The following CIDEA variants were observed in gnomAD, a reference collection of about 807,000 sequenced individuals.
The protein encoded by CIDEA is lipid transferase CIDEA.
A neutral mutation model predicts 18.2 loss-of-function variants in CIDEA; 10 were observed. The observed-to-expected ratio is 0.55, with a 90% CI of 0.34 to 0.93. CIDEA has a LOEUF of 0.93. Among genes scored for constraint, CIDEA ranks in the 40% least tolerant of loss-of-function variants. CIDEA has a pLI of 0.02. For synonymous variants in CIDEA, 128 were observed against 124.8 expected (o/e 1.03, Z -0.17); for missense variants, 309 against 293.1 (o/e 1.05, Z -0.40).
intron 1 of CIDEA, among the ~76,000 whole-genome samples, chr18:12,257,247 C>G (rs1457393456): frequency 2.6e-5 from 4 of 152,172 alleles, no homozygotes; most frequent in African/African-American, 9.7e-5. Context: ...GCTTCTTCCT[C>G]CCACGGTGGC....
intron 1 of CIDEA, among the ~76,000 whole-genome samples, chr18:12,261,754 AT>A (rs975168942): frequency 6.6e-6 from 1 of 151,184 alleles, no homozygotes; most frequent in African/African-American, 2.4e-5. Flanking sequence ...TTTTATTTTT[AT>A]TTTTTTGTAA....
chr18:12,254,374 G>A lies in CIDEA; in HGVS notation c.-10G>A. On this transcript the variant is annotated 5_prime_UTR_variant, in exon 1 of 5. Transcript: ENST00000320477. ...AGACAGACCTCCAGGCCCGCTAGGG[G>A]ATCCGCGCCATGGAGGCCGCCCGGG... 3 of 1,532,422 alleles carry A rather than the reference G, an allele frequency of 2.0e-6. No individual in the cohort carries two copies. The highest frequency in any genetic ancestry group is 2.6e-6 in the Non-Finnish European group (3 of 1,140,606). 94.9% of individuals were successfully genotyped at this position (1,532,422 alleles called of 1,614,324 possible). A position where few individuals can be genotyped will look rare whatever the true frequency, so the allele number is the denominator to read the frequency against.
In CIDEA at chr18:12,258,959, G is replaced by C. The variant is rs143751154; in HGVS notation, c.39-3866G>C. Among the ~76,000 whole-genome samples, 782 of 152,324 alleles carry C rather than the reference G, an allele frequency of 5.1e-3. 10 individuals carry two copies. The highest frequency in any genetic ancestry group is 0.018 in the African/African-American group (745 of 41,568). ...CCGTCCTCACCGCCCTCTCCCCCCG[G>C]GTCACCAGGAGTGAGAGTGTGCCCG... On this transcript the variant is annotated intron_variant, in intron 1 of 4. Transcript: ENST00000320477.
At chr18:12,260,357 T>C (rs1293742632) in intron 1 of CIDEA, among the ~76,000 whole-genome samples, 2 of 134,736 alleles carry the variant, frequency 1.5e-5, no homozygotes, top group African/African-American at 5.0e-5. Context: ...TTTTTTCAAT[T>C]TATTTTTTGT....
rs148636842 is a variant in CIDEA, at chr18:12,262,889, C to T, written c.103C>T (p.Arg35Cys). ...GTTCACCCCGCTCATGCATCCAGCT[C>T]GCCCTTTCCGGGTCTCCAACCATGA... ...VLFTPLMHPA[R>C]PFRVSNHDRS... Residue 35 changes from arginine to cysteine, a missense_variant, in exon 2 of 5, where the codon CGC (arginine) becomes TGC (cysteine). Transcript: ENST00000320477. 36 of 1,614,082 alleles carry T rather than the reference C, an allele frequency of 2.2e-5. No homozygotes were observed. Among genetic ancestry groups the T allele is most frequent in the East Asian group, 6.7e-5 (3 of 44,898 alleles).
intron 1 of CIDEA, among the ~76,000 whole-genome samples, chr18:12,258,771 G>C (rs113561270): frequency 1.1e-4 from 17 of 152,368 alleles, no homozygotes; most frequent in African/African-American, 4.1e-4. Flanking sequence ...ATCCCAAGGA[G>C]TGGTAAGGCA....
At chr18:12,261,464 T>C (rs150693688) in intron 1 of CIDEA, among the ~76,000 whole-genome samples, 1 of 152,222 alleles carries the variant, frequency 6.6e-6, no homozygotes, top group African/African-American at 2.4e-5. Flanking sequence ...AGGGTAACTG[T>C]GTCTCCCCTC....
chr18:12,257,339 C>T (rs1033135256), intron 1 of CIDEA, among the ~76,000 whole-genome samples: 3 of 152,170 alleles, frequency 2.0e-5, no homozygotes, highest in African/African-American at 7.2e-5. Flanking sequence ...CACTATTTTA[C>T]ACAGCCTGTA....
intron 4 of CIDEA, among the ~76,000 whole-genome samples, chr18:12,275,792 C>G (rs1257261246): frequency 1.3e-5 from 2 of 152,074 alleles, no homozygotes; most frequent in African/African-American, 4.8e-5. Flanking sequence ...ACTACAGTCA[C>G]TGTCATAGTG....
chr18:12,263,995 C>T (rs893181931), intron 2 of CIDEA: 3 of 217,426 alleles, frequency 1.4e-5, no homozygotes, highest in African/African-American at 4.5e-5. Flanking sequence ...CCAGCTACTC[C>T]GGAGGCTGTG....
At chr18:12,260,827 C>T (rs942687008) in intron 1 of CIDEA, among the ~76,000 whole-genome samples, 6 of 152,278 alleles carry the variant, frequency 3.9e-5, no homozygotes, top group Admixed American at 2.0e-4. Context: ...TCAAGGTTGT[C>T]CTGAAACTAC....
In CIDEA at chr18:12,254,565, C is replaced by CGCGCACACACCCATCG. The variant is rs770357171; in HGVS notation, c.38+159_38+160insGGCGCACACACCCATC. 37 of 1,529,144 alleles carry CGCGCACACACCCATCG rather than the reference C, an allele frequency of 2.4e-5. No individual in the cohort carries two copies. The East Asian group carries it at 8.8e-4, about 37-fold the overall frequency. 94.7% of individuals were successfully genotyped at this position (1,529,144 alleles called of 1,614,324 possible). A position where few individuals can be genotyped will look rare whatever the true frequency, so the allele number is the denominator to read the frequency against. ...CGCATTCTCTTGCGCTCCGCGACCC[C>CGCGCACACACCCATCG]GCGCACACACCCATCCGCCCCACTG... On this transcript the variant is annotated intron_variant, in intron 1 of 4. Transcript: ENST00000320477.
intron 1 of CIDEA, among the ~76,000 whole-genome samples, chr18:12,260,710 T>C (rs1024638444): frequency 9.9e-5 from 15 of 152,198 alleles, no homozygotes; most frequent in Non-Finnish European, 2.2e-4. Flanking sequence ...GTGACAGGCA[T>C]TGGCAATCCG....
chr18:12,265,199 A>G (rs116316646), intron 3 of CIDEA, among the ~76,000 whole-genome samples: 437 of 152,380 alleles, frequency 2.9e-3, no homozygotes, highest in African/African-American at 0.01. Flanking sequence ...TGGGAAAACT[A>G]TAGATGATAT....
chr18:12,276,950 T>G (rs1905355568), intron 4 of CIDEA, among the ~76,000 whole-genome samples, 173 bp from the exon 5 acceptor site: 1 of 152,180 alleles, frequency 6.6e-6, no homozygotes, highest in African/African-American at 2.4e-5. Context: ...GGCAGCTGCA[T>G]CTGTGCCAGC....
At chr18:12,260,028 G>A (rs1417608083) in intron 1 of CIDEA, among the ~76,000 whole-genome samples, 3 of 152,174 alleles carry the variant, frequency 2.0e-5, no homozygotes, top group East Asian at 3.8e-4. Context: ...GTTCTAGAAC[G>A]ACACTTTGTT....
rs146804105 is a variant in CIDEA, at chr18:12,270,628, A to C, written c.331-3465A>C. On this transcript the variant is annotated intron_variant, in intron 3 of 4. Coordinates refer to ENST00000320477, the MANE Select transcript of CIDEA (RefSeq NM_001279.4). Reference sequence around the variant, plus strand: ...GTTCGAACCTGGGAGTTGGAGGTGCAGTGAGCTGAGATAGCACCAATGCAC... The same window carrying C: ...GTTCGAACCTGGGAGTTGGAGGTGCCGTGAGCTGAGATAGCACCAATGCAC... Among the ~76,000 whole-genome samples, 1,164 of 138,946 alleles carry C rather than the reference A, an allele frequency of 8.4e-3. 17 individuals carry two copies. Among genetic ancestry groups the C allele is most frequent in the African/African-American group, 0.029 (1,116 of 37,908 alleles). The allele number at this position is 138,946 out of a possible 152,430, so 91.2% of individuals were successfully genotyped here.
In CIDEA at chr18:12,274,191, C is replaced by CTGCCTTA; in HGVS notation, c.430_436dup (p.Asn146MetfsTer3). 6.2e-7 allele frequency: 1 copy of CTGCCTTA among 1,614,248 alleles called. No homozygotes were observed. Among genetic ancestry groups the CTGCCTTA allele is most frequent in the African/African-American group, 1.3e-5 (1 of 75,068 alleles). Reference sequence around the variant, plus strand: ...GGCTGAACCCCAAGGACTTCATCGGCTGCCTTAACGTGAAGGCCACCATGT... The same window carrying CTGCCTTA: ...GGCTGAACCCCAAGGACTTCATCGGCTGCCTTATGCCTTAACGTGAAGGCCACCATGT... On this transcript the variant is annotated frameshift_variant, in exon 4 of 5. Coordinates refer to ENST00000320477, the MANE Select transcript of CIDEA (RefSeq NM_001279.4). LOFTEE classifies it high-confidence loss of function.
At chr18:12,265,568 T>A (rs928160935) in intron 3 of CIDEA, among the ~76,000 whole-genome samples, 2 of 152,228 alleles carry the variant, frequency 1.3e-5, no homozygotes, top group African/African-American at 4.8e-5. Context: ...GGTTTAGGCA[T>A]TGCTGAGTCC....
Sources: gnomAD v4.1 joint callset for allele counts (sites outside exome capture counted in the v4.1 genomes callset) on GRCh38, gnomAD v4.1.1 for gene constraint, MANE v1.5 for transcripts, NCBI Gene and HGNC (gene_info 2026-07-23, HGNC 2026-07-21) for gene names.